The following TK2 variants were observed in gnomAD, a reference collection of about 807,000 sequenced individuals.
TK2 encodes the protein thymidine kinase 2, mitochondrial.
Under a neutral mutation model 41.9 loss-of-function variants are expected in TK2, and 35 were observed. That is an observed-to-expected ratio of 0.84 (90% CI 0.64 to 1.11). The LOEUF (loss-of-function observed/expected upper bound fraction) is 1.11. Among genes scored for constraint, TK2 ranks in the 50% least tolerant of loss-of-function variants. The probability of loss-of-function intolerance (pLI) is 0.00; values close to 1 mark genes in which losing one functional copy is unlikely to be tolerated. For missense variants in TK2, 320 were observed against 351.1 expected (o/e 0.91, Z 0.71); for synonymous variants, 128 against 129.1 (o/e 0.99, Z 0.06).
At chr16:66,549,312 G>A (rs937350911) in intron 1 of TK2, 5 of 1,197,180 alleles carry the variant, frequency 4.2e-6, no homozygotes, top group Middle Eastern at 3.2e-4. Context: ...TAAGCAAGTG[G>A]AAAGGCAGAA....
chr16:66,537,338 T>C (rs986426890), intron 3 of TK2, among the ~76,000 whole-genome samples: 1 of 152,174 alleles, frequency 6.6e-6, no homozygotes, highest in Non-Finnish European at 1.5e-5. Flanking sequence ...TGTCCATCCC[T>C]CTTCTGTGTA....
At chr16:66,549,175 C>A in intron 1 of TK2, 166 bp from the exon 2 acceptor site, 1 of 1,481,960 alleles carries the variant, frequency 6.7e-7, no homozygotes, top group Non-Finnish European at 8.9e-7. Flanking sequence ...ACCACCGTCT[C>A]GCCGATGTGC....
In TK2 at chr16:66,511,987, T is replaced by C. The variant is rs1240754595; in HGVS notation, c.779A>G (p.Asn260Ser). 5.0e-6 allele frequency: 8 copies of C among 1,614,216 alleles called. No homozygotes were observed. The highest frequency in any genetic ancestry group is 3.3e-5 in the South Asian group (3 of 91,074). Residue 260 changes from asparagine (N) to serine (S), a missense_variant, in exon 10 of 10, where the codon AAT (asparagine) becomes AGT (serine). Physicochemically the swap from Asn to Ser is conservative, Grantham distance 46. Coordinates refer to ENST00000544898, the MANE Select transcript of TK2 (RefSeq NM_004614.5). ...QNRDRILTPE[N>S]RKHCP is the part of the protein sequence containing the mutation. Reference sequence around the variant, plus strand: ...TGCCTCCTATGGGCAATGCTTCCGATTCTCTGGAGTTAATATTCGATCCCG... The same window carrying C: ...TGCCTCCTATGGGCAATGCTTCCGACTCTCTGGAGTTAATATTCGATCCCG...
At position 66,517,654 on chromosome 16, in the gene TK2, T is replaced by C. The variant is rs973705625; in HGVS notation, c.538+135A>G. 4 of 802,940 alleles carry C rather than the reference T, an allele frequency of 5.0e-6. No individual in the cohort carries two copies. Among genetic ancestry groups the C allele is most frequent in the African/African-American group, 3.4e-5 (2 of 59,096 alleles). 49.7% of individuals were successfully genotyped at this position (802,940 alleles called of 1,614,324 possible). On this transcript the variant is annotated intron_variant, in intron 7 of 9. Transcript: ENST00000544898. This position sits in a 1 kb window ranked among gnomAD's most constrained non-coding sequence, Gnocchi z 4.3. ...TTCTGTCTGCCCTCAGGGAGAAAGC[T>C]GAACTCCCATGGGGAAGGAACTGCC...
chr16:66,526,105 G>A (rs577332603), intron 6 of TK2, among the ~76,000 whole-genome samples: 2 of 152,188 alleles, frequency 1.3e-5, no homozygotes, highest in East Asian at 1.9e-4. Context: ...AACTGTGACC[G>A]GCCAAACAAA....
chr16:66,527,284 T>C (rs923984790), intron 6 of TK2, among the ~76,000 whole-genome samples: 1 of 152,174 alleles, frequency 6.6e-6, no homozygotes. Context: ...GCCCACAGCA[T>C]TGCTCTGATG....
chr16:66,532,050 A>C (rs1965130713), intron 4 of TK2, among the ~76,000 whole-genome samples: 1 of 151,046 alleles, frequency 6.6e-6, no homozygotes, highest in African/African-American at 2.4e-5. Context: ...CATACCCTAA[A>C]CCTCAGCATC....
chr16:66,512,828 G>A (rs925517641), intron 9 of TK2, among the ~76,000 whole-genome samples: 12 of 152,036 alleles, frequency 7.9e-5, no homozygotes, highest in Admixed American at 5.2e-4. Flanking sequence ...CTCACTTTCC[G>A]GCAACCTCAC....
At chr16:66,545,903 G>A (rs9934461) in intron 2 of TK2, among the ~76,000 whole-genome samples, 20,094 of 152,112 alleles carry the variant, frequency 0.13, 2,435 homozygotes, top group African/African-American at 0.31. Flanking sequence ...ATTTTATATG[G>A]AACGTCCAGA....
rs1964941257 is a variant in TK2, at chr16:66,526,655, G to A, written c.449+2339C>T. Among the ~76,000 whole-genome samples, 4 of 152,198 alleles carry A rather than the reference G, an allele frequency of 2.6e-5. No individual in the cohort carries two copies. In the South Asian group the frequency reaches 8.3e-4, roughly 31 times the overall value. Reference sequence around the variant, plus strand: ...TAGGTCCAGCTATTCAGGAGGCTGAGGTAGGAGGATCTCTTGAGCCCAGGA... The same window carrying A: ...TAGGTCCAGCTATTCAGGAGGCTGAAGTAGGAGGATCTCTTGAGCCCAGGA... On this transcript the variant is annotated intron_variant, in intron 6 of 9. Coordinates refer to ENST00000544898, the MANE Select transcript of TK2 (RefSeq NM_004614.5).
chr16:66,509,274 G>A lies in TK2; in HGVS notation c.*2694C>T, dbSNP rs1360825729. 1.3e-5 allele frequency: 2 copies of A among 152,390 alleles called. No homozygotes were observed. The highest frequency in any genetic ancestry group is 3.8e-4 in the East Asian group (2 of 5,200). The allele number at this position is 152,390 out of a possible 1,614,324, so 9.4% of individuals were successfully genotyped here. On this transcript the variant is annotated 3_prime_UTR_variant, in exon 10 of 10. Transcript: ENST00000544898. ...CTGGACAGTCAGGCCCCAGAGGAAG[G>A]AAGCCAGGAGCCAAGAGGTGGACCC...
intron 4 of TK2, among the ~76,000 whole-genome samples, chr16:66,536,399 C>T (rs1474671118): frequency 6.6e-6 from 1 of 152,134 alleles, no homozygotes; most frequent in African/African-American, 2.4e-5. Context: ...TTCTATCCAT[C>T]TCTTTCAAGC....
intron 1 of TK2, chr16:66,549,683 T>C: frequency 1.6e-6 from 2 of 1,231,768 alleles, no homozygotes; most frequent in African/African-American, 3.1e-5. Context: ...TGGGCCGGAA[T>C]GTTCAGAGCG....
At chr16:66,526,457 C>A (rs981851964) in intron 6 of TK2, among the ~76,000 whole-genome samples, 5 of 152,104 alleles carry the variant, frequency 3.3e-5, no homozygotes, top group African/African-American at 1.2e-4. Context: ...AAAAGAGCCA[C>A]GAGGCCGAGC....
intron 5 of TK2, among the ~76,000 whole-genome samples, chr16:66,530,792 A>G (rs1441161400): frequency 1.3e-5 from 2 of 150,534 alleles, no homozygotes; most frequent in East Asian, 2.0e-4. Flanking sequence ...ATCTCAGCTC[A>G]CTGCAACCTC....
At chr16:66,530,182 A>G (rs1325474731) in intron 5 of TK2, among the ~76,000 whole-genome samples, 1 of 152,200 alleles carries the variant, frequency 6.6e-6, no homozygotes, top group African/African-American at 2.4e-5. Context: ...ACATCTTTCA[A>G]TTTTAAAAGA....
intron 2 of TK2, among the ~76,000 whole-genome samples, chr16:66,543,392 C>T (rs1361274093): frequency 6.6e-6 from 1 of 152,228 alleles, no homozygotes; most frequent in Non-Finnish European, 1.5e-5. Flanking sequence ...GTGATTCTGA[C>T]CAAGCTCTGC....
intron 3 of TK2, among the ~76,000 whole-genome samples, chr16:66,539,314 G>A (rs1246434245): frequency 6.6e-6 from 1 of 152,062 alleles, no homozygotes; most frequent in Non-Finnish European, 1.5e-5. Flanking sequence ...GATCAGCAAA[G>A]GGGACCGGGC....
chr16:66,538,461 G>T (rs990707039), intron 3 of TK2, among the ~76,000 whole-genome samples: 2 of 152,070 alleles, frequency 1.3e-5, no homozygotes, highest in African/African-American at 4.8e-5. Context: ...TGGGTCACAG[G>T]CAGCCTTGCT....
Sources: allele counts gnomAD v4.1 joint callset (sites outside exome capture counted in the v4.1 genomes callset), GRCh38; gene constraint gnomAD v4.1.1; non-coding constraint Gnocchi (gnomAD v3.1); transcripts MANE v1.5; gene names NCBI Gene and HGNC (gene_info 2026-07-23, HGNC 2026-07-21).